Variants in RMND5B observed in about 807,000 individuals in gnomAD.
The protein encoded by RMND5B is required for meiotic nuclear division 5 homolog B.
A neutral mutation model predicts 50.4 loss-of-function variants in RMND5B; 42 were observed. The observed-to-expected ratio is 0.83, with a 90% CI of 0.65 to 1.08. The LOEUF (loss-of-function observed/expected upper bound fraction) is 1.08. RMND5B is among the 50% of genes least tolerant of loss of function. RMND5B has a pLI of 0.00. For synonymous variants in RMND5B, 220 were observed against 210.0 expected (o/e 1.05, Z -0.41); for missense variants, 463 against 508.5 (o/e 0.91, Z 0.86).
chr5:178,139,422 G>A (rs1449861163), intron 3 of RMND5B, among the ~76,000 whole-genome samples: 1 of 151,968 alleles, frequency 6.6e-6, no homozygotes, highest in Non-Finnish European at 1.5e-5. Flanking sequence ...GGCTAGGCTG[G>A]TCTCGAACTC....
chr5:178,138,192 T>C lies in RMND5B; in HGVS notation c.73T>C (p.Cys25Arg). The C allele has an allele frequency of 1.9e-6, 3 of 1,613,982 alleles. No homozygotes were observed. The highest frequency in any genetic ancestry group is 1.3e-5 in the African/African-American group (1 of 75,044). ...GAAGTTCCTGACCTACGGGCAGCAC[T>C]GTGAGCGGAGCCTGGAGGAGCTGCT... Reference protein sequence around the residue: ...LQKFLTYGQHCERSLEELLHY... With the variant: ...LQKFLTYGQHRERSLEELLHY... Residue 25 changes from cysteine (C) to arginine (R), a missense_variant, in exon 3 of 11, where the codon TGT becomes CGT. By Grantham distance (180) the Cys-to-Arg change is radical. Transcript: ENST00000313386. The surrounding 1 kb of genome is among the most constrained non-coding windows in gnomAD (Gnocchi z 5.1).
chr5:178,144,256 C>A, intron 7 of RMND5B, 148 bp downstream of exon 7: 1 of 786,836 alleles, frequency 1.3e-6, no homozygotes, highest in South Asian at 1.8e-5. Context: ...TCTGACCCCT[C>A]GTGTCCAGGA....
Position 178,150,193 on chromosome 5 carries a change from C to T in RMND5B, c.*2161C>T, listed in dbSNP as rs572895970. Reference sequence around the variant, plus strand: ...CTGAGCCTAAACCCACCTAACCGGACTAACATGGGTGAAGCATCTTAGCTT... The same window carrying T: ...CTGAGCCTAAACCCACCTAACCGGATTAACATGGGTGAAGCATCTTAGCTT... On this transcript the variant is annotated 3_prime_UTR_variant, in exon 11 of 11. Transcript: ENST00000313386. 1.3e-4 allele frequency: 31 copies of T among 234,576 alleles called. No homozygotes were observed. The highest frequency in any genetic ancestry group is 6.6e-4 in the African/African-American group (29 of 43,642). 14.5% of individuals were successfully genotyped at this position (234,576 alleles called of 1,614,324 possible).
Position 178,150,033 on chromosome 5 carries a change from C to A in RMND5B, c.*2001C>A, listed in dbSNP as rs1410576497. The A allele has an allele frequency of 2.4e-5, 13 of 540,822 alleles. No individual in the cohort carries two copies. Among genetic ancestry groups the A allele is most frequent in the Non-Finnish European group, 3.6e-5 (11 of 306,806 alleles). 33.5% of individuals were successfully genotyped at this position (540,822 alleles called of 1,614,324 possible). On this transcript the variant is annotated 3_prime_UTR_variant, in exon 11 of 11. Coordinates refer to ENST00000313386, the MANE Select transcript of RMND5B (RefSeq NM_022762.5). ...ACTTTGAAGGCATGGTCCAGCCACA[C>A]AGGGCCTACATTCCCACATGGCAAC... is the stretch of plus-strand genomic sequence containing the variant.
chr5:178,146,644 C>G (rs1756022302), intron 8 of RMND5B: 1 of 206,932 alleles, frequency 4.8e-6, no homozygotes, highest in South Asian at 1.0e-4. Flanking sequence ...CACCACTTGC[C>G]TTCAGGGGAG....
chr5:178,137,988 A>C lies in RMND5B; in HGVS notation c.-12-120A>C. 1 of 912,346 alleles carries C rather than the reference A, an allele frequency of 1.1e-6. No individual in the cohort carries two copies. Among genetic ancestry groups the C allele is most frequent in the Non-Finnish European group, 1.6e-6 (1 of 608,832 alleles). The allele number at this position is 912,346 out of a possible 1,614,324, so 56.5% of individuals were successfully genotyped here. On this transcript the variant is annotated intron_variant, in intron 2 of 10. Coordinates refer to ENST00000313386, the MANE Select transcript of RMND5B (RefSeq NM_022762.5). The surrounding 1 kb of genome is among the most constrained non-coding windows in gnomAD (Gnocchi z 4.4). Reference sequence around the variant, plus strand: ...GTACATATATACATATATGTACAAAACATATAACATTGATACATGATGTGG... The same window carrying C: ...GTACATATATACATATATGTACAAACCATATAACATTGATACATGATGTGG...
chr5:178,142,440 G>A lies in RMND5B; in HGVS notation c.140-143G>A, dbSNP rs575656697. The A allele has an allele frequency of 2.0e-4, 190 of 945,790 alleles. 1 individual carries two copies. In the South Asian group the frequency reaches 2.8e-3, roughly 14 times the overall value. 58.6% of individuals were successfully genotyped at this position (945,790 alleles called of 1,614,324 possible). On this transcript the variant is annotated intron_variant, in intron 3 of 10. Coordinates refer to ENST00000313386, the MANE Select transcript of RMND5B (RefSeq NM_022762.5). ...GACAGTTAAAAAGTGGCAGGACCTG[G>A]AAGAGAAGCTAGTTCTTTCACCCTG...
At chr5:178,143,022 C>T (rs746833587) in intron 5 of RMND5B, 30 bp downstream of exon 5, 1 of 1,589,076 alleles carries the variant, frequency 6.3e-7, no homozygotes, top group Non-Finnish European at 8.6e-7. Context: ...GCGCAACAAC[C>T]TGCCTGCTCT....
At chr5:178,144,257 G>A (rs1028673873) in intron 7 of RMND5B, 149 bp downstream of exon 7, 74 of 784,760 alleles carry the variant, frequency 9.4e-5, no homozygotes, top group African/African-American at 1.9e-4. Flanking sequence ...CTGACCCCTC[G>A]TGTCCAGGAT....
rs1758312168 is a variant in RMND5B, at chr5:178,131,625, G to C, written c.-13+249G>C. 2.0e-5 allele frequency among the ~76,000 whole-genome samples: 3 copies of C among 151,676 alleles called. No homozygotes were observed. The South Asian group carries it at 6.2e-4, about 32-fold the overall frequency. On this transcript the variant is annotated intron_variant, in intron 2 of 10. Transcript: ENST00000313386. ...CGATATGACACGGTAACTGGTGTGA[G>C]GGTGGGGCGGAGGGGTCAGTATTAG...
chr5:178,146,846 A>G (rs1255679598), intron 8 of RMND5B: 1 of 155,422 alleles, frequency 6.4e-6, no homozygotes, highest in Non-Finnish European at 1.4e-5. Context: ...AGAGCCACAC[A>G]CTCCGCCACA....
At chr5:178,145,409 C>G (rs2113438205) in intron 7 of RMND5B, among the ~76,000 whole-genome samples, 1 of 151,722 alleles carries the variant, frequency 6.6e-6, no homozygotes, top group Admixed American at 6.6e-5. Flanking sequence ...TCACTTGAAC[C>G]CGGGAAGCGG....
In RMND5B at chr5:178,147,767, C is replaced by G; in HGVS notation, c.1002C>G (p.Ser334=). The change falls in exon 10 of 11, where the codon TCC becomes TCG. Residue 334 remains serine (S), a synonymous_variant. Coordinates refer to ENST00000313386, the MANE Select transcript of RMND5B (RefSeq NM_022762.5). ...IELGMKCWYH[S]VFACPILRQQ... is the part of the protein sequence containing the mutation. Reference sequence around the variant, plus strand: ...TAGGCATGAAGTGCTGGTACCACTCCGTGTTCGCTTGCCCCATCCTCCGCC... The same window carrying G: ...TAGGCATGAAGTGCTGGTACCACTCGGTGTTCGCTTGCCCCATCCTCCGCC... 1 of 1,614,188 alleles carries G rather than the reference C, an allele frequency of 6.2e-7. No homozygotes were observed. Among genetic ancestry groups the G allele is most frequent in the Non-Finnish European group, 8.5e-7 (1 of 1,180,038 alleles).
intron 2 of RMND5B, among the ~76,000 whole-genome samples, chr5:178,132,877 GT>G (rs1489414338): frequency 2.0e-5 from 1 of 49,950 alleles, no homozygotes. Flanking sequence ...TTGTTTGTTT[GT>G]TTTTTTGAGA....
rs190323812 is a variant in RMND5B, at chr5:178,136,787, G to A, written c.-12-1321G>A. On this transcript the variant is annotated intron_variant, in intron 2 of 10. Transcript: ENST00000313386. ...CACTGACATTCTGAGGTTTGCCCACGTGTTCAGTGTCAAAGGCTGCTCTGA... is the reference window on the plus strand; with the variant it reads ...CACTGACATTCTGAGGTTTGCCCACATGTTCAGTGTCAAAGGCTGCTCTGA... Among the ~76,000 whole-genome samples the A allele has an allele frequency of 6.6e-5, 10 of 152,280 alleles. No individual in the cohort carries two copies. The East Asian group carries it at 1.9e-3, about 29-fold the overall frequency.
In RMND5B at chr5:178,146,264, C is replaced by A. The variant is rs574041577; in HGVS notation, c.845C>A (p.Ser282Tyr). 5 of 1,613,954 alleles carry A rather than the reference C, an allele frequency of 3.1e-6. No individual in the cohort carries two copies. The highest frequency in any genetic ancestry group is 4.2e-6 in the Non-Finnish European group (5 of 1,179,908). The change falls in exon 8 of 11, where the codon TCC (serine) becomes TAC (tyrosine). Residue 282 changes from serine (S) to tyrosine (Y), a missense_variant. Physicochemically the swap from Ser to Tyr is moderately radical, Grantham distance 144. Coordinates refer to ENST00000313386, the MANE Select transcript of RMND5B (RefSeq NM_022762.5). The part of the protein sequence containing the change: ...ACSLLGLSVE[S>Y]PLSVSFASGC... ...TCCCTGCTGGGGCTTTCTGTGGAGT[C>A]CCCCCTTAGCGTCAGGTACAACCCA...
intron 3 of RMND5B, 83 bp from the exon 4 acceptor site, chr5:178,142,500 C>T: frequency 1.4e-6 from 2 of 1,473,460 alleles, no homozygotes; most frequent in Non-Finnish European, 1.8e-6. Context: ...ACGGGGCTGG[C>T]ATTTAGAATA....
chr5:178,139,886 T>C lies in RMND5B; in HGVS notation c.139+1628T>C, dbSNP rs189825158. ...CAGGAATTTTCATAAAGCATTTTAA[T>C]TTCCAGTCCAAGAACCAATCCAAGA... On this transcript the variant is annotated intron_variant, in intron 3 of 10. Transcript: ENST00000313386. Among the ~76,000 whole-genome samples, 114 of 152,186 alleles carry C rather than the reference T, an allele frequency of 7.5e-4. 1 individual carries two copies. Among genetic ancestry groups the C allele is most frequent in the Non-Finnish European group, 2.9e-4 (20 of 68,000 alleles).
chr5:178,131,463 T>A (rs1758296478), intron 2 of RMND5B, 87 bp downstream of exon 2: 1 of 151,526 alleles, frequency 6.6e-6, no homozygotes, highest in African/African-American at 2.4e-5. Flanking sequence ...TTAATGCGGG[T>A]GAAACTCCCA....
Sources: allele counts gnomAD v4.1 joint callset (sites outside exome capture counted in the v4.1 genomes callset), GRCh38; gene constraint gnomAD v4.1.1; non-coding constraint Gnocchi (gnomAD v3.1); transcripts MANE v1.5; gene names NCBI Gene and HGNC (gene_info 2026-07-23, HGNC 2026-07-21).